Variants in COQ4 observed in about 807,000 individuals in gnomAD.
COQ4 encodes the protein coenzyme Q4.
In COQ4, 36 loss-of-function variants were observed where a neutral mutation model predicts 30.2. The ratio of observed to expected loss-of-function variants is 1.19; its 90% confidence interval spans 0.91 to 1.57. The LOEUF is 1.57. COQ4 is among the 40% of genes most tolerant of loss of function. The pLI, the probability that COQ4 is intolerant of heterozygous loss-of-function variation, is 0.00. For missense variants in COQ4, 369 were observed against 371.9 expected (o/e 0.99, Z 0.07); for synonymous variants, 197 against 161.0 (o/e 1.22, Z -1.69).
chr9:128,333,744 C>A lies in COQ4; in HGVS notation c.*99C>A. 1 of 1,099,254 alleles carries A rather than the reference C, an allele frequency of 9.1e-7. No individual in the cohort carries two copies. Among genetic ancestry groups the A allele is most frequent in the Non-Finnish European group, 1.2e-6 (1 of 803,416 alleles). 68.1% of individuals were successfully genotyped at this position (1,099,254 alleles called of 1,614,324 possible). ...TACCTTTGTTCCTCTTCTTTGAACACTGACCCTTGGACAACATTTATCATA... is the reference window on the plus strand; with the variant it reads ...TACCTTTGTTCCTCTTCTTTGAACAATGACCCTTGGACAACATTTATCATA... On this transcript the variant is annotated 3_prime_UTR_variant, in exon 7 of 7. Coordinates refer to ENST00000300452, the MANE Select transcript of COQ4 (RefSeq NM_016035.5).
At position 128,322,948 on chromosome 9, in the gene COQ4, G is replaced by A; in HGVS notation, c.70+20G>A. The stretch of plus-strand genomic sequence containing the variant: ...CGGCAGGCAAGTGGCGCCGGGTTCT[G>A]GGCGCAGGCGGGAAGGAGCCTGAGG... On this transcript the variant is annotated intron_variant, in intron 1 of 6. Transcript: ENST00000300452. 6.2e-7 allele frequency: 1 copy of A among 1,603,212 alleles called. No homozygotes were observed.
chr9:128,324,038 C>T (rs1439416611), intron 2 of COQ4, among the ~76,000 whole-genome samples: 2 of 152,166 alleles, frequency 1.3e-5, no homozygotes, highest in African/African-American at 4.8e-5. Context: ...CGCTGGAGTG[C>T]AGTGGCGCAA....
At chr9:128,323,881 A>G (rs924918790) in intron 2 of COQ4, among the ~76,000 whole-genome samples, 1 of 152,160 alleles carries the variant, frequency 6.6e-6, no homozygotes, top group Non-Finnish European at 1.5e-5. Flanking sequence ...GGAGTTCGAG[A>G]CTGCAGTAAG....
intron 6 of COQ4, 67 bp downstream of exon 6, chr9:128,333,010 G>C: frequency 5.0e-6 from 6 of 1,207,318 alleles, no homozygotes; most frequent in Non-Finnish European, 7.4e-6. Context: ...AGAGGGACCA[G>C]GGCTCTTAGA....
Position 128,332,218 on chromosome 9 carries a change from T to C in COQ4, c.468T>C (p.Ile156=), listed in dbSNP as rs1199755377. Residue 156 remains isoleucine (I), a synonymous_variant, in exon 5 of 7, where the codon ATT becomes ATC. Transcript: ENST00000300452. ...FVDDEELAYV[I]QRYREVHDML... is the part of the protein sequence containing the mutation. ...ATGATGAGGAGCTAGCGTATGTGAT[T>C]CAGCGGTACCGGGAGGTGCACGACA... The C allele has an allele frequency of 2.5e-6, 4 of 1,612,320 alleles. No individual in the cohort carries two copies. The highest frequency in any genetic ancestry group is 3.4e-6 in the Non-Finnish European group (4 of 1,179,426).
At chr9:128,330,364 C>T (rs1158301374) in intron 4 of COQ4, 2 of 151,196 alleles carry the variant, frequency 1.3e-5, no homozygotes, top group East Asian at 1.9e-4. Context: ...CAGAGTGAGA[C>T]TCCATCTCAA....
intron 3 of COQ4, among the ~76,000 whole-genome samples, chr9:128,325,485 A>G (rs1006483375): frequency 6.6e-6 from 1 of 152,180 alleles, no homozygotes; most frequent in Non-Finnish European, 1.5e-5. Context: ...CTGTGCCTTC[A>G]TTAAGTTCCC....
In COQ4 at chr9:128,333,774, G is replaced by T. The variant is rs897232395; in HGVS notation, c.*129G>T. On this transcript the variant is annotated 3_prime_UTR_variant, in exon 7 of 7. Coordinates refer to ENST00000300452, the MANE Select transcript of COQ4 (RefSeq NM_016035.5). ...CCTTGGACAACATTTATCATAATTT[G>T]TCATAACCACTGCTGAGTGGCCTTG... The T allele has an allele frequency of 1.2e-5, 11 of 919,646 alleles. No individual in the cohort carries two copies. The highest frequency in any genetic ancestry group is 3.5e-4 in the Middle Eastern group (1 of 2,858). 57.0% of individuals were successfully genotyped at this position (919,646 alleles called of 1,614,324 possible).
rs1832294950 is a variant in COQ4, at chr9:128,325,131, C to T, written c.203-12C>T. 4 of 1,607,108 alleles carry T rather than the reference C, an allele frequency of 2.5e-6. No individual in the cohort carries two copies. Among genetic ancestry groups the T allele is most frequent in the Non-Finnish European group, 3.4e-6 (4 of 1,174,838 alleles). On this transcript the variant is annotated splice_polypyrimidine_tract_variant and intron_variant, in intron 2 of 6. Transcript: ENST00000300452. ...TGACATCCCCCATTTGTGCCCGTTT[C>T]TGTCCTTTCAGACATGGTCGCAGTT... is the stretch of plus-strand genomic sequence containing the variant.
intron 4 of COQ4, 176 bp downstream of exon 4, chr9:128,326,057 C>T: frequency 1.6e-5 from 10 of 634,232 alleles, no homozygotes; most frequent in South Asian, 1.5e-4. Flanking sequence ...TGGGAACATG[C>T]CTGCAATTGA....
intron 6 of COQ4, among the ~76,000 whole-genome samples, 176 bp downstream of exon 6, chr9:128,333,119 A>G (rs1832442650): frequency 6.6e-6 from 1 of 152,174 alleles, no homozygotes; most frequent in African/African-American, 2.4e-5. Context: ...GCCTGGGGCA[A>G]GGGTCTTCAA....
Position 128,323,030 on chromosome 9 carries a change from G to C in COQ4, c.85G>C (p.Ala29Pro), listed in dbSNP as rs113604139. 2.5e-6 allele frequency: 4 copies of C among 1,611,974 alleles called. No individual in the cohort carries two copies. Among genetic ancestry groups the C allele is most frequent in the African/African-American group, 2.7e-5 (2 of 75,042 alleles). ...QRPAAEMPLR[A>P]RSDGAGPLYS... ...TTGCCCCGCAGAAATGCCCCTCCGG[G>C]CTAGGAGCGACGGCGCCGGCCCGCT... The change falls in exon 2 of 7, where the codon GCT becomes CCT. Residue 29 changes from alanine (A) to proline (P), a missense_variant. By Grantham distance (27) the Ala-to-Pro change is conservative. Coordinates refer to ENST00000300452, the MANE Select transcript of COQ4 (RefSeq NM_016035.5).
chr9:128,325,673 G>A (rs1318914293), intron 3 of COQ4, 106 bp from the exon 4 acceptor site: 2 of 840,068 alleles, frequency 2.4e-6, no homozygotes, highest in Non-Finnish European at 3.9e-6. Flanking sequence ...GGCTTGTGGT[G>A]GCCACATTGC....
At chr9:128,324,274 C>T (rs373589426) in intron 2 of COQ4, among the ~76,000 whole-genome samples, 1 of 151,996 alleles carries the variant, frequency 6.6e-6, no homozygotes, top group South Asian at 2.1e-4. Flanking sequence ...CCACCACGCC[C>T]GGCCAAGACC....
intron 3 of COQ4, 146 bp from the exon 4 acceptor site, chr9:128,325,633 T>C: frequency 1.5e-6 from 1 of 648,406 alleles, no homozygotes. Context: ...TCCCTGACAC[T>C]AGCCTGGCCA....
chr9:128,332,120 G>A (rs752360771), intron 4 of COQ4, 33 bp from the exon 5 acceptor site: 8 of 1,550,136 alleles, frequency 5.2e-6, no homozygotes. Context: ...GGAACCATCA[G>A]GAAGGGTTCT....
intron 3 of COQ4, 30 bp downstream of exon 3, chr9:128,325,269 G>T: frequency 6.6e-7 from 1 of 1,505,010 alleles, no homozygotes; most frequent in South Asian, 1.1e-5. Context: ...GGGGGTCTGG[G>T]GGCATTCTCT....
At chr9:128,328,628 C>G (rs117751156) in intron 4 of COQ4, among the ~76,000 whole-genome samples, 2 of 152,224 alleles carry the variant, frequency 1.3e-5, no homozygotes, top group African/African-American at 2.4e-5. Context: ...TTGAGAACCA[C>G]TGCTCTGAAT....
rs371380712 is a variant in COQ4, at chr9:128,333,947, C to T, written c.*302C>T. Reference sequence around the variant, plus strand: ...TCCTGTTGCAACTCCTCCCAGCCAGCCAGGTTTGCTGGGGGCCAGGCTGGG... The same window carrying T: ...TCCTGTTGCAACTCCTCCCAGCCAGTCAGGTTTGCTGGGGGCCAGGCTGGG... On this transcript the variant is annotated 3_prime_UTR_variant, in exon 7 of 7. Transcript: ENST00000300452. The T allele has an allele frequency of 1.8e-5, 4 of 226,580 alleles. No homozygotes were observed. Among genetic ancestry groups the T allele is most frequent in the East Asian group, 9.3e-5 (1 of 10,798 alleles). 14.0% of individuals were successfully genotyped at this position (226,580 alleles called of 1,614,324 possible).
Sources: allele counts gnomAD v4.1 joint callset (sites outside exome capture counted in the v4.1 genomes callset), GRCh38; gene constraint gnomAD v4.1.1; transcripts MANE v1.5; gene names NCBI Gene and HGNC (gene_info 2026-07-23, HGNC 2026-07-21).